Variants in PWP1 observed in about 807,000 individuals in gnomAD.
PWP1 encodes periodic tryptophan protein 1 homolog.
In PWP1, 47 loss-of-function variants were observed where a neutral mutation model predicts 69.9. The ratio of observed to expected loss-of-function variants is 0.67; its 90% CI spans 0.53 to 0.86. The LOEUF is 0.86. Ranked by LOEUF, PWP1 falls within the 40% of genes least tolerant of loss-of-function variation. The pLI, the probability that PWP1 is intolerant of heterozygous loss-of-function variation, is 0.00. For missense variants in PWP1, 551 were observed against 608.8 expected, an observed-to-expected ratio of 0.91 and a Z score of 1.00; for synonymous variants, 222 against 208.2, an observed-to-expected ratio of 1.07 and a Z score of -0.57.
At chr12:107,694,202 T>G (rs1238587707) in intron 5 of PWP1, among the ~76,000 whole-genome samples, 1 of 152,218 alleles carries the variant, frequency 6.6e-6, no homozygotes, top group Non-Finnish European at 1.5e-5. Flanking sequence ...GCCTACAGAT[T>G]CTCCGTTTTG....
rs575258188 is a variant in PWP1, at chr12:107,705,361, G to A, written c.1077+614G>A. 8.6e-5 allele frequency among the ~76,000 whole-genome samples: 13 copies of A among 151,692 alleles called. No homozygotes were observed. The South Asian group carries it at 2.5e-3, about 29-fold the overall frequency. On this transcript the variant is annotated intron_variant, in intron 11 of 14. Coordinates refer to ENST00000412830, the MANE Select transcript of PWP1 (RefSeq NM_007062.3). Reference sequence around the variant, plus strand: ...AAGTAAATATGTAGTGCTTTGCAAAGGTGAGAAAGAGTTTTTTTTTTTTTT... The same window carrying A: ...AAGTAAATATGTAGTGCTTTGCAAAAGTGAGAAAGAGTTTTTTTTTTTTTT...
intron 10 of PWP1, 59 bp from the exon 11 acceptor site, chr12:107,704,577 A>C (rs889375932): frequency 6.3e-5 from 74 of 1,165,994 alleles, no homozygotes; most frequent in Non-Finnish European, 9.2e-5. Flanking sequence ...TTTCATTATA[A>C]ATAAAACATA....
intron 14 of PWP1, among the ~76,000 whole-genome samples, chr12:107,710,983 A>G (rs1377446477): frequency 1.3e-5 from 2 of 152,212 alleles, no homozygotes; most frequent in Non-Finnish European, 2.9e-5. Context: ...AGACACACAC[A>G]CAGAAATATA....
chr12:107,698,358 A>AG (rs1316904170), intron 7 of PWP1, among the ~76,000 whole-genome samples: 2 of 151,862 alleles, frequency 1.3e-5, no homozygotes, highest in African/African-American at 4.8e-5. Context: ...CTCTGTCTCA[A>AG]GGGAAAAAAA....
intron 1 of PWP1, among the ~76,000 whole-genome samples, chr12:107,687,619 A>C (rs1889395090): frequency 6.6e-6 from 1 of 152,236 alleles, no homozygotes. Flanking sequence ...AAATTGGACA[A>C]GCCAGTTGCG....
chr12:107,698,204 A>T (rs1477093866), intron 7 of PWP1, among the ~76,000 whole-genome samples: 2 of 152,180 alleles, frequency 1.3e-5, no homozygotes, highest in African/African-American at 4.8e-5. Flanking sequence ...TCTACTAAAT[A>T]TACAAAAATT....
intron 14 of PWP1, 42 bp downstream of exon 14, chr12:107,710,552 T>TAAAAAA (rs35371581): frequency 2.0e-4 from 226 of 1,157,810 alleles, no homozygotes; most frequent in South Asian, 7.7e-4. Flanking sequence ...CCTGCCCCTG[T>TAAAAAA]AAAAAAAAAA....
At chr12:107,701,345 C>T (rs1241757200) in intron 8 of PWP1, among the ~76,000 whole-genome samples, 1 of 152,062 alleles carries the variant, frequency 6.6e-6, no homozygotes, top group Non-Finnish European at 1.5e-5. Context: ...TTAAAACTAA[C>T]TCCTACTACC....
rs74918182 is a variant in PWP1 at position 107,708,980 on chromosome 12, A to G, written c.1132A>G (p.Ile378Val). 0.021 allele frequency: 33,984 copies of G among 1,613,806 alleles called. 457 individuals carry two copies. Among genetic ancestry groups the G allele is most frequent in the South Asian group, 0.03 (2,733 of 91,068 alleles). Residue 378 changes from isoleucine to valine, a missense_variant, in exon 12 of 15, where the codon ATT becomes GTT. Ile to Val is a conservative substitution (Grantham distance 29). Transcript: ENST00000412830. ...YNLDARSDKP[I>V]FTLNAHNDEI... is the part of the protein sequence containing the mutation. ...TTTGGATGCACGTTCAGATAAGCCAATTTTTACACTTAATGCACACAATGA... is the reference window on the plus strand; with the variant it reads ...TTTGGATGCACGTTCAGATAAGCCAGTTTTTACACTTAATGCACACAATGA...
At chr12:107,704,772 T>A (rs565760279) in intron 11 of PWP1, 25 bp downstream of exon 11, 1 of 1,589,060 alleles carries the variant, frequency 6.3e-7, no homozygotes, top group Non-Finnish European at 8.6e-7. Flanking sequence ...GTTGTTGTTT[T>A]GCTTTTCTAG....
intron 14 of PWP1, among the ~76,000 whole-genome samples, chr12:107,710,905 G>A (rs1371299748): frequency 3.3e-5 from 5 of 152,206 alleles, no homozygotes; most frequent in Non-Finnish European, 1.5e-5. Flanking sequence ...ACTTTTAAGT[G>A]TAGATCATTT....
rs190841005 is a variant in PWP1, at chr12:107,704,689, G to A, written c.1019G>A (p.Arg340Gln). 4.7e-5 allele frequency: 76 copies of A among 1,613,988 alleles called. No individual in the cohort carries two copies. In the African/African-American group the frequency reaches 5.6e-4, roughly 12 times the overall value. Residue 340 changes from arginine (R) to glutamine (Q), a missense_variant, in exon 11 of 15, where the codon CGA becomes CAA. Arg to Gln is a conservative substitution (Grantham distance 43). Transcript: ENST00000412830. ...CCAGATGAAAGCCATCGAATGTGGC[G>A]ATTCAGTGGGCAGATAGAGAGAGTG... ...RSPDESHRMW[R>Q]FSGQIERVTW... is the part of the protein sequence containing the mutation.
At chr12:107,689,830 G>A (rs951460669) in intron 3 of PWP1, among the ~76,000 whole-genome samples, 5 of 152,144 alleles carry the variant, frequency 3.3e-5, no homozygotes, top group Admixed American at 6.5e-5. Context: ...AGAAAGCCTC[G>A]TGGGGAATAA....
At chr12:107,694,683 TAG>T (rs746977496) in intron 5 of PWP1, among the ~76,000 whole-genome samples, 1 of 152,338 alleles carries the variant, frequency 6.6e-6, no homozygotes, top group Middle Eastern at 3.4e-3. Context: ...GAGAACCTAT[TAG>T]AGTTTTTTTT....
intron 7 of PWP1, among the ~76,000 whole-genome samples, chr12:107,698,190 T>C (rs1239836001): frequency 4.6e-5 from 7 of 152,108 alleles, no homozygotes; most frequent in African/African-American, 1.7e-4. Flanking sequence ...GGTGAAACCC[T>C]GTCTCTACTA....
chr12:107,693,888 T>C (rs1889532333), intron 5 of PWP1, among the ~76,000 whole-genome samples: 2 of 152,340 alleles, frequency 1.3e-5, no homozygotes, highest in South Asian at 4.1e-4. Context: ...TTATTTCAGA[T>C]ATTTCCCCTT....
Position 107,703,734 on chromosome 12 carries a change from G to C in PWP1, c.953G>C (p.Gly318Ala), listed in dbSNP as rs1889759319. The C allele has an allele frequency of 1.2e-6, 2 of 1,601,392 alleles. No homozygotes were observed. The highest frequency in any genetic ancestry group is 1.7e-6 in the Non-Finnish European group (2 of 1,168,658). Residue 318 changes from glycine to alanine, a missense_variant, in exon 10 of 15, where the codon GGC becomes GCC. Gly to Ala is a moderately conservative substitution (Grantham distance 60). Coordinates refer to ENST00000412830, the MANE Select transcript of PWP1 (RefSeq NM_007062.3). ...TTTGAAGCACAGACTCTGATTTCTG[G>C]CTCATATGATAAGTAAGAAAGCACA... is the stretch of plus-strand genomic sequence containing the variant. ...HPFEAQTLIS[G>A]SYDKSVALYD...
chr12:107,687,039 C>T (rs111236288), intron 1 of PWP1, among the ~76,000 whole-genome samples: 1,610 of 146,114 alleles, frequency 0.011, 13 homozygotes, highest in Middle Eastern at 0.03. Context: ...GACATGTGCA[C>T]ATATAGTATG....
chr12:107,703,621 T>G, intron 9 of PWP1, 64 bp from the exon 10 acceptor site: 1 of 1,304,676 alleles, frequency 7.7e-7, no homozygotes, highest in South Asian at 1.2e-5. Context: ...TCTTACCACA[T>G]GTTAGGTAAT....
Sources: allele counts gnomAD v4.1 joint callset (sites outside exome capture counted in the v4.1 genomes callset), GRCh38; gene constraint gnomAD v4.1.1; transcripts MANE v1.5; gene names NCBI Gene and HGNC (gene_info 2026-07-23, HGNC 2026-07-21).